Variants in STAG3 observed in about 807,000 individuals in gnomAD.
The protein encoded by STAG3 is cohesin subunit SA-3.
Under a neutral mutation model 160.7 loss-of-function variants are expected in STAG3, and 101 were observed. The observed-to-expected ratio is 0.63, with a 90% CI of 0.54 to 0.74. The LOEUF is 0.74. Ranked by LOEUF, STAG3 falls within the 30% of genes least tolerant of loss-of-function variation. The pLI is 0.00. For missense variants in STAG3, 1,188 were observed against 1,517.4 expected, an observed-to-expected ratio of 0.78 and a Z score of 3.61; for synonymous variants, 519 against 585.0, an observed-to-expected ratio of 0.89 and a Z score of 1.63.
chr7:100,213,170 G>A, intron 32 of STAG3: 1 of 323,728 alleles, frequency 3.1e-6, no homozygotes, highest in Non-Finnish European at 4.5e-6. Context: ...TCTGGCCTGG[G>A]CTTAGAAGGG....
In STAG3 at chr7:100,201,930, C is replaced by G; in HGVS notation, c.2302-19C>G. On this transcript the variant is annotated intron_variant, in intron 22 of 33. Transcript: ENST00000615138. ...AGTCTGTGTCTTCATTCTTCCCCTT[C>G]AAGCCACTGTGCCCACAGAAGCAGC... is the stretch of plus-strand genomic sequence containing the variant. 2 of 1,613,848 alleles carry G rather than the reference C, an allele frequency of 1.2e-6. No homozygotes were observed. Among genetic ancestry groups the G allele is most frequent in the Non-Finnish European group, 1.7e-6 (2 of 1,180,006 alleles).
downstream of STAG3, among the ~76,000 whole-genome samples, chr7:100,216,962 C>T (rs1802806367): frequency 1.3e-5 from 2 of 151,888 alleles, no homozygotes; most frequent in Non-Finnish European, 2.9e-5. Flanking sequence ...GATTTCCCGG[C>T]ACAGACAACA....
chr7:100,180,602 T>C lies in STAG3; in HGVS notation c.46T>C (p.Leu16=). 6.2e-7 allele frequency: 1 copy of C among 1,613,724 alleles called. No homozygotes were observed. The highest frequency in any genetic ancestry group is 8.5e-7 in the Non-Finnish European group (1 of 1,179,590). The change falls in exon 2 of 34, where the codon TTG becomes CTG. Residue 16 remains leucine, a synonymous_variant. Transcript: ENST00000615138. ...QRAVGDTKRA[L]SASSSSSASL... The stretch of plus-strand genomic sequence containing the variant: ...AGCTGTGGGAGATACCAAGAGGGCC[T>C]TGTCTGCATCTTCTAGTTCCTCTGC...
intron 33 of STAG3, 51 bp from the exon 34 acceptor site, chr7:100,213,956 C>T (rs146102876): frequency 6.7e-5 from 108 of 1,614,090 alleles, no homozygotes; most frequent in Admixed American, 1.0e-4. Context: ...ATGGTCTGCC[C>T]ATTGGCCCGT....
chr7:100,209,298 C>T (rs1185277342), intron 29 of STAG3, among the ~76,000 whole-genome samples: 1 of 152,126 alleles, frequency 6.6e-6, no homozygotes, highest in African/African-American at 2.4e-5. Flanking sequence ...TTTTTTATAA[C>T]AGGTGAGGGA....
chr7:100,184,463 GTTTTTTTTT>G (rs1554403741), intron 4 of STAG3, among the ~76,000 whole-genome samples: 1 of 98,552 alleles, frequency 1.0e-5, no homozygotes, highest in Non-Finnish European at 1.9e-5. Flanking sequence ...CAGCGTGTTA[GTTTTTTTTT>G]TTTTTTTTTT....
At position 100,200,903 on chromosome 7, in the gene STAG3, T is replaced by C; in HGVS notation, c.1995T>C (p.Phe665=). The part of the protein sequence containing the change: ...PEFTFFSRAD[F]ARSQLVDLLT... Reference sequence around the variant, plus strand: ...TCACTTTCTTCAGCCGGGCGGACTTTGCCCGCAGCCAGCTAGTAGATTTGC... The same window carrying C: ...TCACTTTCTTCAGCCGGGCGGACTTCGCCCGCAGCCAGCTAGTAGATTTGC... Residue 665 remains phenylalanine (F), a synonymous_variant, in exon 19 of 34, where the codon TTT becomes TTC. Coordinates refer to ENST00000615138, the MANE Select transcript of STAG3 (RefSeq NM_001282717.2). The C allele has an allele frequency of 1.1e-5, 18 of 1,614,232 alleles. No homozygotes were observed. The highest frequency in any genetic ancestry group is 1.5e-5 in the Non-Finnish European group (18 of 1,180,042).
At chr7:100,217,664 G>A (rs1476903612), downstream of STAG3, among the ~76,000 whole-genome samples, 5 of 152,256 alleles carry the variant, frequency 3.3e-5, no homozygotes, top group East Asian at 7.7e-4. Flanking sequence ...TAAGGAGTGC[G>A]AGTCATCTCT....
intron 2 of STAG3, 107 bp from the exon 3 acceptor site, chr7:100,181,983 C>A: frequency 5.3e-6 from 3 of 567,892 alleles, no homozygotes; most frequent in South Asian, 2.5e-5. Flanking sequence ...ATATGTTTTT[C>A]TCATGGAGAT....
At position 100,201,834 on chromosome 7, in the gene STAG3, C is replaced by T. The variant is rs1801162119; in HGVS notation, c.2269C>T (p.Leu757=). Residue 757 remains leucine (L), a synonymous_variant, in exon 22 of 34, where the codon CTA becomes TTA. Transcript: ENST00000615138. ...TGTCTATTTTTCCATTCTCTGGACACTAACCCACATTTCTAAATCAGATGC... is the reference window on the plus strand; with the variant it reads ...TGTCTATTTTTCCATTCTCTGGACATTAACCCACATTTCTAAATCAGATGC... ...TLVYFSILWT[L]THISKSDASQ... is the part of the protein sequence containing the mutation. 1 of 1,614,082 alleles carries T rather than the reference C, an allele frequency of 6.2e-7. No homozygotes were observed. Among genetic ancestry groups the T allele is most frequent in the South Asian group, 1.1e-5 (1 of 91,090 alleles).
In STAG3 at chr7:100,202,386, G is replaced by A. The variant is rs1156672479; in HGVS notation, c.2563+46G>A. ...GGGCTCAGTAAGGGCTGGGGCTTGG[G>A]TGTAGCTCAGAAATATAGGGCAGGA... On this transcript the variant is annotated intron_variant, in intron 24 of 33. Coordinates refer to ENST00000615138, the MANE Select transcript of STAG3 (RefSeq NM_001282717.2). 2.5e-6 allele frequency: 4 copies of A among 1,609,908 alleles called. No individual in the cohort carries two copies. The South Asian group carries it at 4.4e-5, about 18-fold the overall frequency.
chr7:100,210,411 T>G (rs1364727336), intron 29 of STAG3, among the ~76,000 whole-genome samples: 1 of 152,224 alleles, frequency 6.6e-6, no homozygotes, highest in Admixed American at 6.5e-5. Context: ...TTTCTCCTCC[T>G]CTACCTTCTC....
In STAG3 at chr7:100,202,019, T is replaced by G; in HGVS notation, c.2372T>G (p.Val791Gly). ...CELCQSCLSDVDTEIQEQAFV... is the reference protein window; with the variant it reads ...CELCQSCLSDGDTEIQEQAFV... ...CTCTGCCAGAGTTGCCTCTCAGATG[T>G]GGATACTGAGATCCAGGAGCAGGTG... is the stretch of plus-strand genomic sequence containing the variant. The change falls in exon 23 of 34, where the codon GTG (valine) becomes GGG (glycine). Residue 791 changes from valine (V) to glycine (G), a missense_variant. Val to Gly is a moderately radical substitution (Grantham distance 109). Coordinates refer to ENST00000615138, the MANE Select transcript of STAG3 (RefSeq NM_001282717.2). 6.2e-7 allele frequency: 1 copy of G among 1,614,162 alleles called. No homozygotes were observed. The highest frequency in any genetic ancestry group is 8.5e-7 in the Non-Finnish European group (1 of 1,180,020).
downstream of STAG3, among the ~76,000 whole-genome samples, chr7:100,215,423 G>A (rs1222192222): frequency 6.6e-6 from 1 of 152,160 alleles, no homozygotes; most frequent in Non-Finnish European, 1.5e-5. Flanking sequence ...CCCTCGGGGA[G>A]TCAGAGCTGG....
chr7:100,189,307 C>A, intron 7 of STAG3, 138 bp from the exon 8 acceptor site: 1 of 992,376 alleles, frequency 1.0e-6, no homozygotes, highest in Non-Finnish European at 1.5e-6. Flanking sequence ...CCAGGACAGG[C>A]CGTCTTAGGA....
downstream of STAG3, chr7:100,218,374 CTA>C (rs1584832846): frequency 1.6e-5 from 3 of 182,358 alleles, no homozygotes; most frequent in African/African-American, 7.1e-5. Context: ...TATTCTTATT[CTA>C]TGTATTTTCT....
chr7:100,204,806 G>A (rs1342941506), intron 27 of STAG3, 31 bp downstream of exon 27: 2 of 1,611,878 alleles, frequency 1.2e-6, no homozygotes, highest in East Asian at 4.5e-5. Context: ...GTTGTGTCCA[G>A]GGAGGGCTGG....
chr7:100,202,108 C>A, intron 23 of STAG3, 64 bp from the exon 24 acceptor site: 1 of 1,609,192 alleles, frequency 6.2e-7, no homozygotes, highest in Non-Finnish European at 8.5e-7. Flanking sequence ...GAGAAATTGA[C>A]AGTGTCATTT....
chr7:100,186,651 T>C (rs1800022525), intron 5 of STAG3, among the ~76,000 whole-genome samples: 1 of 152,172 alleles, frequency 6.6e-6, no homozygotes, highest in South Asian at 2.1e-4. Flanking sequence ...GCCACTGCAC[T>C]CCAGCCTGGG....
Sources: allele counts gnomAD v4.1 joint callset (sites outside exome capture counted in the v4.1 genomes callset), GRCh38; gene constraint gnomAD v4.1.1; transcripts MANE v1.5; gene names NCBI Gene and HGNC (gene_info 2026-07-23, HGNC 2026-07-21).